Variants in LMX1A observed in about 807,000 individuals in gnomAD.
LMX1A encodes the protein LIM homeobox transcription factor 1 alpha, also known as LIM homeobox transcription factor 1-alpha.
In LMX1A, 15 loss-of-function variants were observed where a neutral mutation model predicts 49.1. The observed-to-expected ratio is 0.31, with a 90% CI of 0.20 to 0.47. The LOEUF is 0.47. LMX1A is among the 20% of genes least tolerant of loss of function. LMX1A has a pLI of 1.00. For missense variants in LMX1A, 372 were observed against 475.8 expected, an observed-to-expected ratio of 0.78 and a Z score of 2.03; for synonymous variants, 167 against 185.7, an observed-to-expected ratio of 0.90 and a Z score of 0.82.
chr1:165,325,665 G>C (rs1324760965), intron 3 of LMX1A, among the ~76,000 whole-genome samples: 1 of 151,918 alleles, frequency 6.6e-6, no homozygotes, highest in African/African-American at 2.4e-5. Flanking sequence ...ATATCACCGT[G>C]CCTCCCCCCT....
intron 3 of LMX1A, among the ~76,000 whole-genome samples, chr1:165,345,909 C>G (rs1282382112): frequency 6.6e-6 from 1 of 152,184 alleles, no homozygotes; most frequent in Admixed American, 6.5e-5. Context: ...AGAGCACTAA[C>G]AGTCCACAAA....
chr1:165,343,934 T>C (rs1335402862), intron 3 of LMX1A, among the ~76,000 whole-genome samples: 2 of 152,212 alleles, frequency 1.3e-5, no homozygotes, highest in Non-Finnish European at 2.9e-5. Context: ...CATTATCTTG[T>C]CCATCCCAAT....
chr1:165,285,281 A>G (rs1654272511), intron 3 of LMX1A, among the ~76,000 whole-genome samples: 1 of 152,188 alleles, frequency 6.6e-6, no homozygotes, highest in Non-Finnish European at 1.5e-5. Context: ...TTCCCCATCC[A>G]TGCAGCTTAA....
At chr1:165,213,553 C>A in intron 5 of LMX1A, 88 bp downstream of exon 5, 3 of 1,250,784 alleles carry the variant, frequency 2.4e-6, no homozygotes, top group Non-Finnish European at 3.4e-6. Context: ...CCACTGTGAC[C>A]CCCAATGCCC....
At chr1:165,255,352 G>C (rs1037324650) in intron 3 of LMX1A, among the ~76,000 whole-genome samples, 1 of 152,188 alleles carries the variant, frequency 6.6e-6, no homozygotes, top group Non-Finnish European at 1.5e-5. Flanking sequence ...TGGCTGAAAT[G>C]CTATTCAATG....
At chr1:165,254,653 A>G (rs16841713) in intron 3 of LMX1A, among the ~76,000 whole-genome samples, 7,110 of 152,246 alleles carry the variant, frequency 0.047, 573 homozygotes, top group African/African-American at 0.16. Flanking sequence ...AGACAAGCAG[A>G]GAAAAGGGTT....
At chr1:165,333,188 C>G (rs535810829) in intron 3 of LMX1A, among the ~76,000 whole-genome samples, 4 of 152,322 alleles carry the variant, frequency 2.6e-5, no homozygotes, top group Admixed American at 2.6e-4. Flanking sequence ...TGTTTTGAGA[C>G]AGAGTTTCAC....
At chr1:165,240,836 C>T (rs939936446) in intron 4 of LMX1A, among the ~76,000 whole-genome samples, 1 of 152,164 alleles carries the variant, frequency 6.6e-6, no homozygotes. Flanking sequence ...CACCCTCAAA[C>T]CAAGAGGCAC....
chr1:165,291,947 A>G (rs111231541), intron 3 of LMX1A, among the ~76,000 whole-genome samples: 4,382 of 150,966 alleles, frequency 0.029, 207 homozygotes, highest in African/African-American at 0.094. Flanking sequence ...TTGTAGTCCC[A>G]GCTACACGGG....
chr1:165,267,736 G>C (rs976423333), intron 3 of LMX1A, among the ~76,000 whole-genome samples: 1 of 152,176 alleles, frequency 6.6e-6, no homozygotes, highest in South Asian at 2.1e-4. Context: ...TATTTCAAGG[G>C]AACGGGAGTA....
At chr1:165,340,903 C>T (rs775159046) in intron 3 of LMX1A, among the ~76,000 whole-genome samples, 7 of 152,150 alleles carry the variant, frequency 4.6e-5, no homozygotes, top group Admixed American at 1.3e-4. Flanking sequence ...ACTTATCCTA[C>T]GTCAGGAATA....
chr1:165,247,217 G>A (rs183638987), intron 4 of LMX1A, among the ~76,000 whole-genome samples: 1 of 151,924 alleles, frequency 6.6e-6, no homozygotes, highest in African/African-American at 2.4e-5. Flanking sequence ...TATCATGAAA[G>A]GCTAGACCAC....
chr1:165,210,491 C>A (rs575194063), intron 6 of LMX1A: 3 of 405,132 alleles, frequency 7.4e-6, no homozygotes, highest in Admixed American at 8.6e-5. Flanking sequence ...AAAATACAAG[C>A]AATTTCACTA....
At chr1:165,224,207 C>T (rs1408126615) in intron 4 of LMX1A, among the ~76,000 whole-genome samples, 1 of 152,178 alleles carries the variant, frequency 6.6e-6, no homozygotes, top group African/African-American at 2.4e-5. Context: ...CCCCATTCAC[C>T]TTCCTCTATG....
At chr1:165,235,266 G>T (rs1004812789) in intron 4 of LMX1A, among the ~76,000 whole-genome samples, 4 of 152,186 alleles carry the variant, frequency 2.6e-5, no homozygotes, top group African/African-American at 9.7e-5. Flanking sequence ...TTCAGGTAGC[G>T]ACGGTGTCCG....
chr1:165,209,188 T>TAC (rs1261085996), intron 6 of LMX1A, among the ~76,000 whole-genome samples: 1 of 152,226 alleles, frequency 6.6e-6, no homozygotes, highest in Non-Finnish European at 1.5e-5. Flanking sequence ...CTTTCTTTGG[T>TAC]ACACATCAAC....
chr1:165,310,651 C>T (rs190227437), intron 3 of LMX1A, among the ~76,000 whole-genome samples: 1 of 152,266 alleles, frequency 6.6e-6, no homozygotes, highest in East Asian at 1.9e-4. Flanking sequence ...TTATTCTCCC[C>T]GTTTCCTTCT....
intron 3 of LMX1A, among the ~76,000 whole-genome samples, chr1:165,328,658 G>A (rs1655653766): frequency 6.6e-6 from 1 of 152,326 alleles, no homozygotes; most frequent in South Asian, 2.1e-4. Context: ...CATATTCACA[G>A]AGGCACAACT....
intron 3 of LMX1A, among the ~76,000 whole-genome samples, chr1:165,298,842 G>A (rs1654696658): frequency 6.6e-6 from 1 of 152,186 alleles, no homozygotes; most frequent in Non-Finnish European, 1.5e-5. Context: ...TACAGAAGGT[G>A]CTTATTTTAT....
Sources: gnomAD v4.1 joint callset for allele counts (sites outside exome capture counted in the v4.1 genomes callset) on GRCh38, gnomAD v4.1.1 for gene constraint, MANE v1.5 for transcripts, NCBI Gene and HGNC (gene_info 2026-07-23, HGNC 2026-07-21) for gene names.